MPDZ: variants seen among roughly 807,000 people sequenced by gnomAD.
The protein encoded by MPDZ is multiple PDZ domain protein.
MPDZ carries 234 observed loss-of-function variants against 239.1 expected under a neutral mutation model. The ratio of observed to expected loss-of-function variants is 0.98; its 90% CI spans 0.88 to 1.09. The LOEUF (loss-of-function observed/expected upper bound fraction) is 1.09, where lower values mean the gene tolerates loss of function less well. MPDZ is among the 50% of genes least tolerant of loss of function. The pLI, the probability that MPDZ is intolerant of heterozygous loss-of-function variation, is 0.00. For synonymous variants in MPDZ, 1,048 were observed against 881.3 expected (o/e 1.19, Z -3.35); for missense variants, 3,175 against 2,510.0 (o/e 1.26, Z -5.66).
chr9:13,261,569 C>T (rs1970698528), intron 1 of MPDZ, among the ~76,000 whole-genome samples: 3 of 151,986 alleles, frequency 2.0e-5, no homozygotes, highest in African/African-American at 7.3e-5. Context: ...TTTAGTAGGA[C>T]CACTAAATAA....
intron 3 of MPDZ, among the ~76,000 whole-genome samples, chr9:13,228,503 G>C (rs1961343732): frequency 6.6e-6 from 1 of 151,868 alleles, no homozygotes; most frequent in African/African-American, 2.4e-5. Flanking sequence ...AAATAACAAA[G>C]AAAAAATATG....
intron 5 of MPDZ, 42 bp from the exon 6 acceptor site, chr9:13,222,488 T>G (rs1361284858): frequency 1.3e-6 from 2 of 1,495,126 alleles, no homozygotes; most frequent in Non-Finnish European, 1.9e-6. Flanking sequence ...ATCTGAGAGT[T>G]CTCAAGGAAA....
At chr9:13,125,037 C>T (rs1309048230) in intron 35 of MPDZ, among the ~76,000 whole-genome samples, 179 bp downstream of exon 35, 1 of 152,094 alleles carries the variant, frequency 6.6e-6, no homozygotes, top group Non-Finnish European at 1.5e-5. Context: ...GCCTGCCTAA[C>T]AGTCCAGTAC....
chr9:13,154,523 T>C (rs928419587), intron 24 of MPDZ, among the ~76,000 whole-genome samples: 1 of 152,174 alleles, frequency 6.6e-6, no homozygotes, highest in African/African-American at 2.4e-5. Context: ...CTGTCTTACT[T>C]TCCTCAGCTG....
intron 32 of MPDZ, among the ~76,000 whole-genome samples, chr9:13,128,133 A>G (rs919152323): frequency 2.0e-5 from 3 of 151,918 alleles, no homozygotes; most frequent in Non-Finnish European, 4.4e-5. Flanking sequence ...ACTATGTTTC[A>G]GGCTGTAGAT....
At chr9:13,219,481 A>C in intron 8 of MPDZ, 78 bp downstream of exon 8, 1 of 1,271,796 alleles carries the variant, frequency 7.9e-7, no homozygotes, top group Non-Finnish European at 1.1e-6. Flanking sequence ...TAGTAAGTCT[A>C]GTTTCTAAGT....
At chr9:13,110,226 G>A (rs1942219950) in intron 44 of MPDZ, among the ~76,000 whole-genome samples, 162 bp from the exon 45 acceptor site, 1 of 152,166 alleles carries the variant, frequency 6.6e-6, no homozygotes, top group African/African-American at 2.4e-5. Flanking sequence ...AATTTCACAA[G>A]GTCCAGAGGC....
In MPDZ at chr9:13,219,473, G is replaced by A. The variant is rs537544701; in HGVS notation, c.1086+86C>T. 129 of 1,189,874 alleles carry A rather than the reference G, an allele frequency of 1.1e-4. 1 individual carries two copies. In the South Asian group the frequency reaches 1.8e-3, roughly 16 times the overall value. 73.7% of individuals were successfully genotyped at this position (1,189,874 alleles called of 1,614,324 possible). ...CTTTAGCACTAATATAGGAACATTA[G>A]TAAGTCTAGTTTCTAAGTAAACATC... On this transcript the variant is annotated intron_variant, in intron 8 of 46. Coordinates refer to ENST00000319217, the MANE Select transcript of MPDZ (RefSeq NM_001378778.1).
At position 13,158,048 on chromosome 9, in the gene MPDZ, G is replaced by C; in HGVS notation, c.3422C>G (p.Thr1141Arg). ...GGGCTGATTCCAATTGCTATATGCT[G>C]TGTTTTGAAGTTCGCTTTCTTCACC... ...GEGEESELQN[T>R]AYSNWNQPRR... Residue 1141 changes from threonine (T) to arginine (R), a missense_variant, in exon 24 of 47, where the codon ACA (threonine) becomes AGA (arginine). By Grantham distance (71) the Thr-to-Arg change is moderately conservative. Transcript: ENST00000319217. The C allele has an allele frequency of 6.2e-7, 1 of 1,612,768 alleles. No homozygotes were observed. Among genetic ancestry groups the C allele is most frequent in the South Asian group, 1.1e-5 (1 of 91,030 alleles).
At chr9:13,174,366 G>A (rs1288981393) in intron 21 of MPDZ, among the ~76,000 whole-genome samples, 1 of 152,112 alleles carries the variant, frequency 6.6e-6, no homozygotes, top group East Asian at 1.9e-4. Flanking sequence ...ATAAATGTTT[G>A]CTAGTTGAGT....
chr9:13,121,752 T>C lies in MPDZ; in HGVS notation c.5218A>G (p.Ile1740Val). 1 of 1,613,942 alleles carries C rather than the reference T, an allele frequency of 6.2e-7. No individual in the cohort carries two copies. The highest frequency in any genetic ancestry group is 1.3e-5 in the African/African-American group (1 of 75,016). ...CCTCAATCACACCTTTTACCAACAA[T>C]ACTTAATCCTAGGCCTTTTCCCGGC... ...KKPGKGLGLS[I>V]VGKRNDTGVF... is the part of the protein sequence containing the mutation. The change falls in exon 38 of 47, where the codon ATT becomes GTT. Residue 1740 changes from isoleucine (I) to valine (V), a missense_variant. Transcript: ENST00000319217.
intron 21 of MPDZ, 91 bp from the exon 22 acceptor site, chr9:13,168,655 T>C (rs959528540): frequency 9.9e-7 from 1 of 1,009,882 alleles, no homozygotes; most frequent in Non-Finnish European, 1.4e-6. Flanking sequence ...ATTTATAGAT[T>C]AAAAAATACA....
At chr9:13,108,227 G>C (rs1176186630) in intron 46 of MPDZ, among the ~76,000 whole-genome samples, 1 of 151,994 alleles carries the variant, frequency 6.6e-6, no homozygotes, top group East Asian at 1.9e-4. Flanking sequence ...GTCGAATTTT[G>C]TAGCCCCTGA....
chr9:13,159,203 T>G (rs144874594), intron 23 of MPDZ, among the ~76,000 whole-genome samples: 1 of 152,274 alleles, frequency 6.6e-6, no homozygotes, highest in Non-Finnish European at 1.5e-5. Context: ...GGCAAGCAAA[T>G]GTCCAGGCTC....
intron 37 of MPDZ, 59 bp from the exon 38 acceptor site, chr9:13,121,991 G>A: frequency 3.8e-6 from 6 of 1,595,598 alleles, no homozygotes; most frequent in Non-Finnish European, 5.1e-6. Flanking sequence ...GAGTTAGGTG[G>A]GGAAGGGAAG....
intron 2 of MPDZ, among the ~76,000 whole-genome samples, chr9:13,249,737 C>T (rs2137955892): frequency 1.3e-5 from 2 of 152,254 alleles, no homozygotes; most frequent in Middle Eastern, 3.4e-3. Context: ...AATGGTTCTA[C>T]AAACTAGTTT....
At chr9:13,192,414 C>A (rs1955060448) in intron 14 of MPDZ, 119 bp from the exon 15 acceptor site, 9 of 867,944 alleles carry the variant, frequency 1.0e-5, no homozygotes, top group Admixed American at 2.5e-5. Flanking sequence ...TTACTGTGCT[C>A]AGAACTATAG....
intron 35 of MPDZ, 145 bp from the exon 36 acceptor site, chr9:13,123,443 T>C: frequency 1.7e-6 from 1 of 604,088 alleles, no homozygotes. Context: ...TTTACCTCAA[T>C]CTTTTAATTA....
chr9:13,270,824 A>G (rs369947934), intron 1 of MPDZ, among the ~76,000 whole-genome samples: 44 of 152,270 alleles, frequency 2.9e-4, no homozygotes, highest in African/African-American at 9.6e-4. Flanking sequence ...ATTGTAACAT[A>G]TACAGAATGG....
Sources: gnomAD v4.1 joint callset for allele counts (sites outside exome capture counted in the v4.1 genomes callset) on GRCh38, gnomAD v4.1.1 for gene constraint, MANE v1.5 for transcripts, NCBI Gene and HGNC (gene_info 2026-07-23, HGNC 2026-07-21) for gene names.